Variants in HDAC9 observed in about 807,000 individuals in gnomAD.
The protein encoded by HDAC9 is histone deacetylase 9, also known as MEF-2 interacting transcription repressor (MITR) protein.
In HDAC9, 41 loss-of-function variants were observed where a neutral mutation model predicts 139.4. The ratio of observed to expected loss-of-function variants is 0.29; its 90% CI spans 0.23 to 0.38. The LOEUF is 0.38. Ranked by LOEUF, HDAC9 falls within the 10% of genes least tolerant of loss-of-function variation. The pLI is 1.00. For missense variants in HDAC9, 1,147 were observed against 1,297.0 expected (o/e 0.88, Z 1.78); for synonymous variants, 517 against 476.2 (o/e 1.09, Z -1.12).
intron 24 of HDAC9, among the ~76,000 whole-genome samples, chr7:18,961,452 A>T (rs1217222080): frequency 6.6e-6 from 1 of 152,196 alleles, no homozygotes; most frequent in Non-Finnish European, 1.5e-5. Context: ...AATTGTGAAG[A>T]AAGAAAAGAT....
At chr7:18,652,846 T>G (rs1789751489) in intron 11 of HDAC9, among the ~76,000 whole-genome samples, 1 of 152,192 alleles carries the variant, frequency 6.6e-6, no homozygotes, top group Admixed American at 6.6e-5. Context: ...AATCATTAAA[T>G]ACTGTGTGCA....
At chr7:18,252,008 A>G (rs936529955) in intron 2 of HDAC9, among the ~76,000 whole-genome samples, 1 of 152,166 alleles carries the variant, frequency 6.6e-6, no homozygotes, top group African/African-American at 2.4e-5. Context: ...TTCTATCACT[A>G]TCATGCAAAT....
intron 6 of HDAC9, among the ~76,000 whole-genome samples, chr7:18,595,585 C>CT (rs1832248152): frequency 6.6e-6 from 1 of 151,904 alleles, no homozygotes; most frequent in Non-Finnish European, 1.5e-5. Flanking sequence ...ATTCAAGAAT[C>CT]TAAGGAGTTA....
chr7:18,344,611 A>T (rs555776669), intron 1 of HDAC9, among the ~76,000 whole-genome samples: 37 of 152,076 alleles, frequency 2.4e-4, no homozygotes, highest in South Asian at 6.2e-4. Context: ...CCAAATTACC[A>T]TTGTAAAGTT....
chr7:18,099,940 G>A (rs1475523841), intron 1 of HDAC9, among the ~76,000 whole-genome samples: 2 of 151,886 alleles, frequency 1.3e-5, no homozygotes, highest in Admixed American at 6.6e-5. Flanking sequence ...TTATTCCTTT[G>A]TCTATATCCA....
intron 11 of HDAC9, among the ~76,000 whole-genome samples, chr7:18,654,234 T>A (rs1240138826): frequency 6.6e-6 from 1 of 152,172 alleles, no homozygotes; most frequent in African/African-American, 2.4e-5. Flanking sequence ...GTAAGCAAAT[T>A]AAATGTTAAG....
rs1786494749 is a variant in HDAC9 at position 18,996,849 on chromosome 7, C to G, written c.*787C>G. On this transcript the variant is annotated 3_prime_UTR_variant, in exon 26 of 26. Coordinates refer to ENST00000686413, the MANE Select transcript of HDAC9 (RefSeq NM_178425.4). ...ATGAAGTCCCCCCACCTCCCAGCCACACACACATCCTTTGTTCTCATGACA... is the reference window on the plus strand; with the variant it reads ...ATGAAGTCCCCCCACCTCCCAGCCAGACACACATCCTTTGTTCTCATGACA... 6.6e-6 allele frequency: 1 copy of G among 152,246 alleles called. No homozygotes were observed. The highest frequency in any genetic ancestry group is 1.5e-5 in the Non-Finnish European group (1 of 68,064). 9.4% of individuals were successfully genotyped at this position (152,246 alleles called of 1,614,324 possible). A position where few individuals can be genotyped will look rare whatever the true frequency, so the allele number is the denominator to read the frequency against.
intron 1 of HDAC9, among the ~76,000 whole-genome samples, chr7:18,138,883 G>A (rs147227813): frequency 5.6e-4 from 85 of 152,086 alleles, no homozygotes; most frequent in African/African-American, 1.9e-3. Context: ...ATACCTTCCT[G>A]GCACTCTAGA....
At chr7:18,403,939 C>T (rs762566777) in intron 1 of HDAC9, among the ~76,000 whole-genome samples, 2 of 152,142 alleles carry the variant, frequency 1.3e-5, no homozygotes, top group Non-Finnish European at 2.9e-5. Flanking sequence ...TCTGCAAGCT[C>T]AGACCTGAAT....
Position 18,571,479 on chromosome 7 carries a change from A to T in HDAC9, c.23-13802A>T, listed in dbSNP as rs1378329558. ...AAACATTTCCACTTTTGCTGGTTTT[A>T]TATGTTGGAACTGTTCGTAAGATTT... On this transcript the variant is annotated intron_variant, in intron 2 of 25. Coordinates refer to ENST00000686413, the MANE Select transcript of HDAC9 (RefSeq NM_178425.4). 3.9e-5 allele frequency among the ~76,000 whole-genome samples: 6 copies of T among 152,262 alleles called. No homozygotes were observed. The East Asian group carries it at 9.6e-4, about 24-fold the overall frequency.
At chr7:18,941,493 G>A (rs893347807) in intron 23 of HDAC9, among the ~76,000 whole-genome samples, 5 of 152,110 alleles carry the variant, frequency 3.3e-5, no homozygotes, top group African/African-American at 1.2e-4. Flanking sequence ...TCAGGGGTTT[G>A]TTTTCATTGG....
intron 13 of HDAC9, among the ~76,000 whole-genome samples, chr7:18,730,000 G>C (rs936723687): frequency 2.6e-5 from 4 of 152,170 alleles, no homozygotes; most frequent in Non-Finnish European, 4.4e-5. Context: ...TTATTTACAA[G>C]TTACAATAAC....
intron 2 of HDAC9, among the ~76,000 whole-genome samples, chr7:18,540,488 T>C (rs1280638417): frequency 2.0e-5 from 3 of 152,202 alleles, no homozygotes; most frequent in African/African-American, 4.8e-5. Context: ...GTGTTCTAGA[T>C]GTTAAAAGAA....
At chr7:18,584,155 T>TTTTC in intron 2 of HDAC9, among the ~76,000 whole-genome samples, 1 of 147,602 alleles carries the variant, frequency 6.8e-6, no homozygotes, top group Non-Finnish European at 1.5e-5. Flanking sequence ...TTTTTTTTTT[T>TTTTC]TTTTTGAGAC....
chr7:18,762,166 G>A lies in HDAC9; in HGVS notation c.2053G>A (p.Gly685Ser), dbSNP rs1481714529. ...GLLNKCERIQ[G>S]RKASLEEIQL... ...TGCTATTTTCTTGCAGCGAATTCAA[G>A]GTCGAAAAGCCAGCCTGGAGGAAAT... The change falls in exon 15 of 26, where the codon GGT (glycine) becomes AGT (serine). Residue 685 changes from glycine to serine, a missense_variant. Transcript: ENST00000686413. The A allele has an allele frequency of 1.9e-6, 3 of 1,613,364 alleles. No homozygotes were observed. The African/African-American group carries it at 4.0e-5, about 22-fold the overall frequency.
chr7:18,331,275 A>G (rs1373253957), intron 1 of HDAC9, among the ~76,000 whole-genome samples: 1 of 151,676 alleles, frequency 6.6e-6, no homozygotes, highest in African/African-American at 2.4e-5. Flanking sequence ...ATTTATTTTA[A>G]ATGTCTTTGC....
At chr7:18,141,937 A>G (rs1284018905) in intron 1 of HDAC9, among the ~76,000 whole-genome samples, 1 of 152,212 alleles carries the variant, frequency 6.6e-6, no homozygotes, top group Non-Finnish European at 1.5e-5. Context: ...CAAATATTGG[A>G]TTGGATCTAG....
intron 2 of HDAC9, among the ~76,000 whole-genome samples, chr7:18,498,030 A>G (rs534365865): frequency 6.6e-6 from 1 of 152,268 alleles, no homozygotes; most frequent in East Asian, 1.9e-4. Flanking sequence ...GAAGTGCTTC[A>G]GGCTGTCCAT....
chr7:18,737,007 C>T (rs1040846899), intron 13 of HDAC9, among the ~76,000 whole-genome samples: 3 of 152,280 alleles, frequency 2.0e-5, no homozygotes, highest in Admixed American at 1.3e-4. Context: ...TCTAGATTTT[C>T]TAGTTTATTT....
Sources: allele counts gnomAD v4.1 joint callset (sites outside exome capture counted in the v4.1 genomes callset), GRCh38; gene constraint gnomAD v4.1.1; transcripts MANE v1.5; gene names NCBI Gene and HGNC (gene_info 2026-07-23, HGNC 2026-07-21).